CTNNA3: variants seen among roughly 807,000 people sequenced by gnomAD.
CTNNA3 encodes catenin alpha-3.
Under a neutral mutation model 95.7 loss-of-function variants are expected in CTNNA3, and 76 were observed. That is an observed-to-expected ratio of 0.79 (90% CI 0.66 to 0.96). The LOEUF is 0.96. Among genes scored for constraint, CTNNA3 ranks in the 40% least tolerant of loss-of-function variants. The pLI is 0.00. For missense variants in CTNNA3, 1,191 were observed against 1,089.8 expected, an observed-to-expected ratio of 1.09 and a Z score of -1.31; for synonymous variants, 431 against 374.4, an observed-to-expected ratio of 1.15 and a Z score of -1.74.
chr10:67,634,666 G>A (rs1475138776), intron 2 of CTNNA3, among the ~76,000 whole-genome samples: 1 of 152,124 alleles, frequency 6.6e-6, no homozygotes, highest in Non-Finnish European at 1.5e-5. Flanking sequence ...AAAAAAAGCA[G>A]AGGTTGCAAT....
intron 5 of CTNNA3, among the ~76,000 whole-genome samples, chr10:67,465,225 G>A (rs182602222): frequency 7.2e-5 from 11 of 152,170 alleles, no homozygotes; most frequent in Admixed American, 5.9e-4. Flanking sequence ...TTTTTACACA[G>A]AATTTTATTT....
intron 15 of CTNNA3, among the ~76,000 whole-genome samples, chr10:66,029,924 T>C (rs2079417395): frequency 6.6e-6 from 1 of 152,210 alleles, no homozygotes; most frequent in Admixed American, 6.5e-5. Flanking sequence ...GCAATGTTCA[T>C]AGTCCAAATA....
intron 3 of CTNNA3, among the ~76,000 whole-genome samples, chr10:67,564,677 G>GTATGTGTATATA (rs1554854250): frequency 8.2e-5 from 5 of 61,336 alleles, no homozygotes; most frequent in African/African-American, 3.2e-4. Context: ...GTGTGTGTGT[G>GTATGTGTATATA]TATATATATA....
intron 9 of CTNNA3, among the ~76,000 whole-genome samples, chr10:66,723,487 T>C (rs1000249214): frequency 6.6e-6 from 1 of 152,142 alleles, no homozygotes; most frequent in Admixed American, 6.5e-5. Flanking sequence ...TAGGAAGGAC[T>C]AAGGTCATCA....
At chr10:67,678,144 C>T (rs1056556824) in intron 1 of CTNNA3, among the ~76,000 whole-genome samples, 3 of 151,850 alleles carry the variant, frequency 2.0e-5, no homozygotes, top group Non-Finnish European at 2.9e-5. Context: ...ATTTAAAAAT[C>T]GTGTAACATA....
intron 5 of CTNNA3, among the ~76,000 whole-genome samples, chr10:67,496,046 C>A (rs1839012278): frequency 6.6e-6 from 1 of 152,174 alleles, no homozygotes. Flanking sequence ...CACATATTTT[C>A]TGTGAAAGTG....
chr10:66,685,323 GTGTA>G (rs368283723), intron 9 of CTNNA3, among the ~76,000 whole-genome samples: 6,463 of 34,612 alleles, frequency 0.19, 832 homozygotes, highest in East Asian at 0.45. Flanking sequence ...GTGTGTATGT[GTGTA>G]TATATATATA....
upstream of CTNNA3, among the ~76,000 whole-genome samples, chr10:67,699,365 C>A (rs1454812543): frequency 6.6e-6 from 1 of 152,134 alleles, no homozygotes; most frequent in Non-Finnish European, 1.5e-5. Flanking sequence ...CCCTTCACTC[C>A]CAAAAGGGTC....
chr10:66,395,781 C>G (rs182407084), intron 11 of CTNNA3, among the ~76,000 whole-genome samples: 3 of 152,060 alleles, frequency 2.0e-5, no homozygotes, highest in Admixed American at 2.0e-4. Flanking sequence ...TCTTGATACT[C>G]TCTGTAATTT....
intron 1 of CTNNA3, among the ~76,000 whole-genome samples, chr10:67,703,953 A>G (rs1841061166): frequency 6.6e-6 from 1 of 152,224 alleles, no homozygotes; most frequent in Non-Finnish European, 1.5e-5. Context: ...TCAATGTACA[A>G]AAATCACAAG....
intron 5 of CTNNA3, among the ~76,000 whole-genome samples, chr10:67,462,537 G>T (rs1847417195): frequency 6.6e-6 from 1 of 152,186 alleles, no homozygotes; most frequent in Admixed American, 6.5e-5. Context: ...GAAAGAAGCA[G>T]AAAGTTTAGT....
chr10:65,921,055 T>C (rs780680981), intron 17 of CTNNA3, among the ~76,000 whole-genome samples: 1 of 152,204 alleles, frequency 6.6e-6, no homozygotes, highest in Non-Finnish European at 1.5e-5. Context: ...TTAAATATTA[T>C]CCTGTATAAA....
chr10:67,431,503 T>C lies in CTNNA3; in HGVS notation c.579+90339A>G, dbSNP rs150438239. On this transcript the variant is annotated intron_variant, in intron 5 of 17. Coordinates refer to ENST00000433211, the MANE Select transcript of CTNNA3 (RefSeq NM_013266.4). Reference sequence around the variant, plus strand: ...ATGAGCAAGCAGTTCTCACAGCTTGTATGGCAGAAATAGAATTCAATCCAG... The same window carrying C: ...ATGAGCAAGCAGTTCTCACAGCTTGCATGGCAGAAATAGAATTCAATCCAG... 5.0e-3 allele frequency among the ~76,000 whole-genome samples: 760 copies of C among 152,068 alleles called. 7 individuals carry two copies. The highest frequency in any genetic ancestry group is 0.017 in the African/African-American group (714 of 41,510).
chr10:67,536,867 G>C (rs924799209), intron 4 of CTNNA3, among the ~76,000 whole-genome samples: 1 of 151,952 alleles, frequency 6.6e-6, no homozygotes, highest in Admixed American at 6.6e-5. Context: ...GGGAAATGTT[G>C]GGCTAAATAA....
intron 7 of CTNNA3, among the ~76,000 whole-genome samples, chr10:66,915,835 G>A (rs904353570): frequency 6.7e-6 from 1 of 150,144 alleles, no homozygotes; most frequent in South Asian, 2.1e-4. Context: ...TGCAACCTCT[G>A]CCTCCCGAGT....
intron 10 of CTNNA3, among the ~76,000 whole-genome samples, chr10:66,571,848 A>T (rs1042229309): frequency 6.6e-6 from 1 of 152,176 alleles, no homozygotes; most frequent in African/African-American, 2.4e-5. Flanking sequence ...GTCACGTCAC[A>T]GATGAAGCCG....
intron 7 of CTNNA3, among the ~76,000 whole-genome samples, chr10:66,907,602 TC>T (rs1399252252): frequency 9.2e-5 from 14 of 152,128 alleles, no homozygotes; most frequent in African/African-American, 3.1e-4. Flanking sequence ...GCTCTCAATA[TC>T]CCATGTTAGG....
At chr10:66,035,918 T>C (rs948768540) in intron 15 of CTNNA3, among the ~76,000 whole-genome samples, 1 of 152,122 alleles carries the variant, frequency 6.6e-6, no homozygotes, top group Non-Finnish European at 1.5e-5. Flanking sequence ...TTATGAGGTA[T>C]CAAAAAGAAT....
rs558755121 is a variant in CTNNA3 at position 66,955,383 on chromosome 10, T to A, written c.1048-179859A>T. On this transcript the variant is annotated intron_variant, in intron 7 of 17. Transcript: ENST00000433211. Reference sequence around the variant, plus strand: ...CAGTAGGCACTATAGAAATGTATAATATCTTATTCTCACAATCACCCTATG... The same window carrying A: ...CAGTAGGCACTATAGAAATGTATAAAATCTTATTCTCACAATCACCCTATG... Among the ~76,000 whole-genome samples, 116 of 152,324 alleles carry A rather than the reference T, an allele frequency of 7.6e-4. 1 individual carries two copies. The highest frequency in any genetic ancestry group is 2.7e-3 in the African/African-American group (112 of 41,576).
Sources: allele counts gnomAD v4.1 joint callset (sites outside exome capture counted in the v4.1 genomes callset), GRCh38; gene constraint gnomAD v4.1.1; transcripts MANE v1.5; gene names NCBI Gene and HGNC (gene_info 2026-07-23, HGNC 2026-07-21).